PCDHGA6: variants seen among roughly 807,000 people sequenced by gnomAD.
The protein encoded by PCDHGA6 is protocadherin gamma subfamily A, 6.
In PCDHGA6, 41 loss-of-function variants were observed where a neutral mutation model predicts 60.6. The ratio of observed to expected loss-of-function variants is 0.68; its 90% CI spans 0.53 to 0.88. PCDHGA6 has a LOEUF of 0.88. Among genes scored for constraint, PCDHGA6 ranks in the 40% least tolerant of loss-of-function variants. The pLI, the probability that PCDHGA6 is intolerant of heterozygous loss-of-function variation, is 0.00. For synonymous variants in PCDHGA6, 594 were observed against 524.4 expected, an observed-to-expected ratio of 1.13 and a Z score of -1.81; for missense variants, 1,312 against 1,203.0, an observed-to-expected ratio of 1.09 and a Z score of -1.34.
chr5:141,395,542 TTGTGTGTGTGTGTGTGTGTGTGTGTG>T lies in PCDHGA6; in HGVS notation c.2424+19059_2424+19084del, dbSNP rs55729045. 7.0e-5 allele frequency: 12 copies of T among 172,630 alleles called. No homozygotes were observed. In the South Asian group the frequency reaches 8.7e-4, roughly 12 times the overall value. 10.7% of individuals were successfully genotyped at this position (172,630 alleles called of 1,614,324 possible). ...TCCATACTGGTAATTTTGCTATTGTTTGTGTGTGTGTGTGTGTGTGTGTGTGTGTGTGTGTGTGTGTGTGTGTGTAT... is the reference window on the plus strand; with the variant it reads ...TCCATACTGGTAATTTTGCTATTGTTTGTGTGTGTGTGTGTGTGTGTGTAT... On this transcript the variant is annotated intron_variant, in intron 1 of 3. Coordinates refer to ENST00000517434, the MANE Select transcript of PCDHGA6 (RefSeq NM_018919.3).
intron 1 of PCDHGA6, chr5:141,399,725 A>G (rs2093873556): frequency 6.2e-7 from 1 of 1,613,192 alleles, no homozygotes; most frequent in Admixed American, 1.7e-5. Flanking sequence ...GCCCGCGACC[A>G]GGGCTCGCCT....
At chr5:141,394,639 T>C (rs2150578020) in intron 1 of PCDHGA6, 2 of 1,611,968 alleles carry the variant, frequency 1.2e-6, no homozygotes, top group Middle Eastern at 1.7e-4. Flanking sequence ...TACCGCCTGC[T>C]CAAGGCCAGC....
At chr5:141,423,203 T>A (rs2096720538) in intron 1 of PCDHGA6, 1 of 1,613,508 alleles carries the variant, frequency 6.2e-7, no homozygotes, top group African/African-American at 1.3e-5. Context: ...TCGGCCACCG[T>A]CACGCTCACC....
chr5:141,376,015 G>A lies in PCDHGA6; in HGVS notation c.1932G>A (p.Val644=). The A allele has an allele frequency of 4.3e-6, 7 of 1,613,364 alleles. No homozygotes were observed. The highest frequency in any genetic ancestry group is 5.9e-6 in the Non-Finnish European group (7 of 1,179,904). ...ACGCGCTCAAGCAGAGCCTAGTGGT[G>A]GCCGTCCAGGACCACGGCCAGCCCC... ...DRDALKQSLV[V]AVQDHGQPPL... is the part of the protein sequence containing the mutation. Residue 644 remains valine, a synonymous_variant, in exon 1 of 4, where the codon GTG becomes GTA. Coordinates refer to ENST00000517434, the MANE Select transcript of PCDHGA6 (RefSeq NM_018919.3).
At chr5:141,389,862 C>T (rs2091950734) in intron 1 of PCDHGA6, 1 of 1,613,964 alleles carries the variant, frequency 6.2e-7, no homozygotes, top group African/African-American at 1.3e-5. Flanking sequence ...CACGTTGCAC[C>T]TGGTCTTCGC....
Position 141,485,955 on chromosome 5 carries a change from T to C in PCDHGA6, c.2425-8852T>C. 1 of 1,614,152 alleles carries C rather than the reference T, an allele frequency of 6.2e-7. No homozygotes were observed. Among genetic ancestry groups the C allele is most frequent in the Non-Finnish European group, 8.5e-7 (1 of 1,180,018 alleles). On this transcript the variant is annotated intron_variant, in intron 1 of 3. Transcript: ENST00000517434. This position sits in a 1 kb window ranked among gnomAD's most constrained non-coding sequence, Gnocchi z 5.7. ...GAGAGCGCACCAGCGGGCATGGTGC[T>C]CATCCAGCTCAATGCCTCAGACCCG...
intron 1 of PCDHGA6, chr5:141,417,977 G>T (rs752463782): frequency 1.2e-6 from 2 of 1,613,872 alleles, no homozygotes; most frequent in South Asian, 2.2e-5. Context: ...GATTCCGGAG[G>T]AGCTGGCCAA....
At chr5:141,381,854 A>T (rs1588908690) in intron 1 of PCDHGA6, among the ~76,000 whole-genome samples, 9 of 54,602 alleles carry the variant, frequency 1.6e-4, no homozygotes, top group South Asian at 5.1e-4. Context: ...TTTTTGGCAG[A>T]GTTTTGCTCT....
chr5:141,490,181 G>T lies in PCDHGA6; in HGVS notation c.2425-4626G>T, dbSNP rs755899660. ...GGTCCCATAGACTTTGAGGAGTCAC[G>T]TTTCTATGAAATTCATGCAAGAGCC... is the stretch of plus-strand genomic sequence containing the variant. On this transcript the variant is annotated intron_variant, in intron 1 of 3. Coordinates refer to ENST00000517434, the MANE Select transcript of PCDHGA6 (RefSeq NM_018919.3). The surrounding 1 kb of genome is among the most constrained non-coding windows in gnomAD (Gnocchi z 5.4). The T allele has an allele frequency of 6.2e-7, 1 of 1,614,200 alleles. No individual in the cohort carries two copies. The highest frequency in any genetic ancestry group is 8.5e-7 in the Non-Finnish European group (1 of 1,180,030).
chr5:141,492,616 G>C (rs976681246), intron 1 of PCDHGA6, among the ~76,000 whole-genome samples: 2 of 152,252 alleles, frequency 1.3e-5, no homozygotes, highest in African/African-American at 4.8e-5. Context: ...CTAAGTGCCG[G>C]GCGGGCAGGA....
chr5:141,413,832 C>T, intron 1 of PCDHGA6: 1 of 1,613,228 alleles, frequency 6.2e-7, no homozygotes. Context: ...TCACCGCCTC[C>T]GACGGGGGTG....
intron 1 of PCDHGA6, chr5:141,428,460 T>G (rs558111052): frequency 2.8e-6 from 1 of 351,434 alleles, no homozygotes; most frequent in African/African-American, 2.1e-5. Context: ...CCAACTACAA[T>G]GAGGGAACTT....
intron 1 of PCDHGA6, chr5:141,390,108 A>G (rs1450933158): frequency 6.2e-7 from 1 of 1,614,030 alleles, no homozygotes; most frequent in Non-Finnish European, 8.5e-7. Context: ...CCCCAACTAC[A>G]GCGAGGGGAC....
chr5:141,478,101 T>G, intron 1 of PCDHGA6: 1 of 1,614,018 alleles, frequency 6.2e-7, no homozygotes, highest in Middle Eastern at 1.6e-4. Flanking sequence ...ACTGCTACCC[T>G]CACTGTGTCA....
chr5:141,477,315 C>G lies in PCDHGA6; in HGVS notation c.2425-17492C>G. 2 of 1,614,188 alleles carry G rather than the reference C, an allele frequency of 1.2e-6. No individual in the cohort carries two copies. Among genetic ancestry groups the G allele is most frequent in the African/African-American group, 2.7e-5 (2 of 75,042 alleles). On this transcript the variant is annotated intron_variant, in intron 1 of 3. Coordinates refer to ENST00000517434, the MANE Select transcript of PCDHGA6 (RefSeq NM_018919.3). The surrounding 1 kb of genome is among the most constrained non-coding windows in gnomAD (Gnocchi z 4.9). ...CCACCGGGTCTCCCTTTCAGCCTTA[C>G]TTCTTCCCTCAAGAATTACTTCACT...
intron 1 of PCDHGA6, chr5:141,405,379 G>T: frequency 1.2e-6 from 2 of 1,606,832 alleles, no homozygotes; most frequent in Non-Finnish European, 1.7e-6. Flanking sequence ...TGGTTCCGGT[G>T]AGTTCATTTT....
Position 141,485,746 on chromosome 5 carries a change from C to T in PCDHGA6, c.2425-9061C>T, listed in dbSNP as rs1297635523. ...AGAAGCGCAGCGACGGCAGCCTGGT[C>T]CCAGAGCTGCTCCTGGAGAAGCCTT... On this transcript the variant is annotated intron_variant, in intron 1 of 3. Coordinates refer to ENST00000517434, the MANE Select transcript of PCDHGA6 (RefSeq NM_018919.3). The surrounding 1 kb of genome is among the most constrained non-coding windows in gnomAD (Gnocchi z 5.7). 6.2e-7 allele frequency: 1 copy of T among 1,614,128 alleles called. No individual in the cohort carries two copies. The highest frequency in any genetic ancestry group is 2.2e-5 in the East Asian group (1 of 44,880).
intron 1 of PCDHGA6, chr5:141,416,811 A>C (rs1355425793): frequency 2.6e-5 from 4 of 152,188 alleles, no homozygotes; most frequent in Non-Finnish European, 5.9e-5. Context: ...AAAGTCAAAA[A>C]GCATTCCGAA....
chr5:141,396,860 T>C (rs1273570477), intron 1 of PCDHGA6, among the ~76,000 whole-genome samples: 1 of 152,230 alleles, frequency 6.6e-6, no homozygotes, highest in African/African-American at 2.4e-5. Flanking sequence ...ATAGTTTGTG[T>C]ACCATTTGGA....
Sources: gnomAD v4.1 joint callset for allele counts (sites outside exome capture counted in the v4.1 genomes callset) on GRCh38, gnomAD v4.1.1 for gene constraint, Gnocchi (gnomAD v3.1) non-coding constraint, MANE v1.5 for transcripts, NCBI Gene and HGNC (gene_info 2026-07-23, HGNC 2026-07-21) for gene names.